ECHDC3: variants seen among roughly 807,000 people sequenced by gnomAD.
The protein encoded by ECHDC3 is enoyl-CoA hydratase domain containing 3, also known as enoyl-CoA hydratase domain-containing protein 3, mitochondrial.
In ECHDC3, 20 loss-of-function variants were observed where a neutral mutation model predicts 17.9. The observed-to-expected ratio is 1.12, with a 90% CI of 0.79 to 1.63. ECHDC3 has a LOEUF of 1.63. Ranked by LOEUF, ECHDC3 falls within the 40% of genes most tolerant of loss-of-function variation. ECHDC3 has a pLI of 0.00. For missense variants in ECHDC3, 407 were observed against 357.7 expected, an observed-to-expected ratio of 1.14 and a Z score of -1.11; for synonymous variants, 177 against 149.7, an observed-to-expected ratio of 1.18 and a Z score of -1.33.
At chr10:11,762,614 C>T (rs2133797548) in intron 4 of ECHDC3, among the ~76,000 whole-genome samples, 1 of 152,288 alleles carries the variant, frequency 6.6e-6, no homozygotes, top group Non-Finnish European at 1.5e-5. Flanking sequence ...CCCCGCTCTT[C>T]ACCAGCCCTG....
At chr10:11,747,033 G>T (rs562188934) in intron 1 of ECHDC3, among the ~76,000 whole-genome samples, 43 of 152,342 alleles carry the variant, frequency 2.8e-4, no homozygotes, top group African/African-American at 1.0e-3. Context: ...TCTCTGGGTG[G>T]TGTTGATTTT....
At chr10:11,755,827 C>G in intron 4 of ECHDC3, 1 of 497,378 alleles carries the variant, frequency 2.0e-6, no homozygotes, top group South Asian at 3.1e-5. Flanking sequence ...TGACGCCAGG[C>G]GTCAATTTGT....
At chr10:11,753,624 G>A (rs1311091936) in intron 3 of ECHDC3, among the ~76,000 whole-genome samples, 2 of 151,930 alleles carry the variant, frequency 1.3e-5, no homozygotes, top group Admixed American at 6.6e-5. Context: ...GAAGTTCTTG[G>A]GATTTCTTCC....
At chr10:11,746,660 G>T (rs1405857270) in intron 1 of ECHDC3, among the ~76,000 whole-genome samples, 1 of 152,080 alleles carries the variant, frequency 6.6e-6, no homozygotes, top group Non-Finnish European at 1.5e-5. Flanking sequence ...ATTGGGTCGG[G>T]CATGGTGGCT....
chr10:11,754,300 A>AACCCAAAT, intron 3 of ECHDC3, among the ~76,000 whole-genome samples: 1 of 152,038 alleles, frequency 6.6e-6, no homozygotes, highest in Admixed American at 6.5e-5. Flanking sequence ...GCCTTGGGGT[A>AACCCAAAT]TTCCCATCCT....
chr10:11,747,800 T>C (rs1193839440), intron 2 of ECHDC3, among the ~76,000 whole-genome samples: 2 of 152,238 alleles, frequency 1.3e-5, no homozygotes, highest in Non-Finnish European at 2.9e-5. Flanking sequence ...GTTTAACCAC[T>C]AATCCTTTGG....
intron 1 of ECHDC3, among the ~76,000 whole-genome samples, chr10:11,744,234 C>A (rs955828823): frequency 6.6e-6 from 1 of 152,194 alleles, no homozygotes; most frequent in Non-Finnish European, 1.5e-5. Flanking sequence ...CAGGGCCACA[C>A]GGCCAGTAGG....
intron 3 of ECHDC3, among the ~76,000 whole-genome samples, chr10:11,750,217 A>G (rs749692263): frequency 1.3e-5 from 2 of 152,194 alleles, no homozygotes; most frequent in Non-Finnish European, 2.9e-5. Flanking sequence ...ATGTCTTGGT[A>G]TAGAAGTTTG....
chr10:11,759,599 TAA>T (rs1008741207), intron 4 of ECHDC3, among the ~76,000 whole-genome samples: 7 of 152,174 alleles, frequency 4.6e-5, no homozygotes, highest in Non-Finnish European at 1.0e-4. Context: ...CTGAATGGAC[TAA>T]GACACCACAC....
chr10:11,749,321 T>C (rs1873735), intron 2 of ECHDC3, among the ~76,000 whole-genome samples, 174 bp from the exon 3 acceptor site: 142,143 of 152,284 alleles, frequency 0.93, 67,181 homozygotes, highest in East Asian at 1. Context: ...CATCACAAAA[T>C]TCTGGCTGGA....
At chr10:11,755,340 A>AGC in intron 3 of ECHDC3, 68 bp from the exon 4 acceptor site, 1 of 1,308,760 alleles carries the variant, frequency 7.6e-7, no homozygotes. Flanking sequence ...AAAAAAAAAA[A>AGC]AAAGCAATAG....
At chr10:11,747,683 CTA>C (rs1293996524) in intron 2 of ECHDC3, among the ~76,000 whole-genome samples, 2 of 152,232 alleles carry the variant, frequency 1.3e-5, no homozygotes, top group African/African-American at 2.4e-5. Flanking sequence ...TTCAGTGAAA[CTA>C]TGTCTTTTCC....
intron 4 of ECHDC3, among the ~76,000 whole-genome samples, chr10:11,759,367 AAAAC>A (rs1564285346): frequency 1.6e-5 from 1 of 63,122 alleles, no homozygotes; most frequent in Non-Finnish European, 3.9e-5. Flanking sequence ...AAAAAAAAAA[AAAAC>A]AAAAAAAAAA....
Position 11,755,627 on chromosome 10 carries a change from C to A in ECHDC3, c.591+19C>A, listed in dbSNP as rs1446521619. 1 of 1,590,432 alleles carries A rather than the reference C, an allele frequency of 6.3e-7. No homozygotes were observed. Among genetic ancestry groups the A allele is most frequent in the South Asian group, 1.1e-5 (1 of 88,680 alleles). ...TAGAAAGGTAATTTAACTCCCCCCACCCACCTCTGCCTCCCAGCCTTCTCC... is the reference window on the plus strand; with the variant it reads ...TAGAAAGGTAATTTAACTCCCCCCAACCACCTCTGCCTCCCAGCCTTCTCC... On this transcript the variant is annotated intron_variant, in intron 4 of 4. Coordinates refer to ENST00000379215, the MANE Select transcript of ECHDC3 (RefSeq NM_024693.5).
rs540255934 is a variant in ECHDC3 at position 11,763,117 on chromosome 10, G to A, written c.592-107G>A. The A allele has an allele frequency of 1.2e-4, 78 of 627,130 alleles. 1 individual carries two copies. Among genetic ancestry groups the A allele is most frequent in the Non-Finnish European group, 1.9e-4 (67 of 345,950 alleles). 38.8% of individuals were successfully genotyped at this position (627,130 alleles called of 1,614,324 possible). On this transcript the variant is annotated intron_variant, in intron 4 of 4. Transcript: ENST00000379215. This position sits in a 1 kb window ranked among gnomAD's most constrained non-coding sequence, Gnocchi z 4.9. ...GGGCACTGAAGACGTCAGGGCTGGC[G>A]GATGACGTGGTATTTGAGGAAGCAG... is the stretch of plus-strand genomic sequence containing the variant.
chr10:11,743,690 A>G (rs1832721680), intron 1 of ECHDC3, among the ~76,000 whole-genome samples: 1 of 152,214 alleles, frequency 6.6e-6, no homozygotes, highest in Admixed American at 6.5e-5. Context: ...GGGTTTGGAA[A>G]GGGGATGGTT....
chr10:11,762,643 G>A (rs1400938942), intron 4 of ECHDC3, among the ~76,000 whole-genome samples: 1 of 152,196 alleles, frequency 6.6e-6, no homozygotes, highest in Admixed American at 6.5e-5. Flanking sequence ...GGGGAGGGTA[G>A]TAGGAGGGGA....
intron 4 of ECHDC3, among the ~76,000 whole-genome samples, chr10:11,760,624 G>T (rs1420973307): frequency 2.0e-5 from 3 of 152,180 alleles, no homozygotes; most frequent in African/African-American, 4.8e-5. Flanking sequence ...TTCAGGCTTG[G>T]CCACTTTCTG....
chr10:11,762,867 C>T (rs374810301), intron 4 of ECHDC3, among the ~76,000 whole-genome samples: 12 of 152,120 alleles, frequency 7.9e-5, no homozygotes, highest in South Asian at 2.1e-4. Context: ...CCCCACTCCC[C>T]GCCACCCCAC....
Sources: gnomAD v4.1 joint callset for allele counts (sites outside exome capture counted in the v4.1 genomes callset) on GRCh38, gnomAD v4.1.1 for gene constraint, Gnocchi (gnomAD v3.1) non-coding constraint, MANE v1.5 for transcripts, NCBI Gene and HGNC (gene_info 2026-07-23, HGNC 2026-07-21) for gene names.